Variants in SH3D19 observed in about 807,000 individuals in gnomAD.
SH3D19 encodes SH3 domain-containing protein 19.
SH3D19 carries 58 observed loss-of-function variants against 112.1 expected under a neutral mutation model. That is an observed-to-expected ratio of 0.52 (90% CI 0.42 to 0.64). The LOEUF (loss-of-function observed/expected upper bound fraction) is 0.64. Ranked by LOEUF, SH3D19 falls within the 30% of genes least tolerant of loss-of-function variation. The probability of loss-of-function intolerance (pLI) is 0.00; values close to 1 mark genes in which losing one functional copy is unlikely to be tolerated. For missense variants in SH3D19, 1,090 were observed against 1,263.4 expected (o/e 0.86, Z 2.08); for synonymous variants, 391 against 448.5 (o/e 0.87, Z 1.62).
chr4:151,273,589 C>CAAAAAAA (rs60600816), intron 1 of SH3D19, among the ~76,000 whole-genome samples: 1,100 of 64,500 alleles, frequency 0.017, 46 homozygotes, highest in African/African-American at 0.026. Flanking sequence ...GACTCCATCT[C>CAAAAAAA]AAAAAAAAAA....
Position 151,135,086 on chromosome 4 carries a change from G to A in SH3D19, c.2474C>T (p.Ser825Phe), listed in dbSNP as rs1302803895. ...GGNGKRECVS[S>F]HCVKGSRCVA... ...AAATAAAACTTACTTAACACAATGA[G>A]ATGAAACACATTCTCTTTTCCCATT... Residue 825 changes from serine to phenylalanine, a missense_variant, in exon 15 of 20, where the codon TCT (serine) becomes TTT (phenylalanine). By Grantham distance (155) the Ser-to-Phe change is radical (BLOSUM62 -2). Transcript: ENST00000604030. The A allele has an allele frequency of 6.2e-7, 1 of 1,603,144 alleles. No homozygotes were observed.
intron 2 of SH3D19, among the ~76,000 whole-genome samples, chr4:151,190,927 C>T (rs572805110): frequency 2.6e-5 from 4 of 152,314 alleles, no homozygotes; most frequent in South Asian, 4.1e-4. Flanking sequence ...AGACACTCAA[C>T]GCCAGCCGTG....
chr4:151,286,600 TAA>T (rs200710507), intron 1 of SH3D19, among the ~76,000 whole-genome samples: 34 of 132,794 alleles, frequency 2.6e-4, no homozygotes, highest in African/African-American at 7.7e-4. Flanking sequence ...CATTTGTGAT[TAA>T]AAAAAAAAAA....
At chr4:151,226,229 A>G in intron 1 of SH3D19, 143 bp from the exon 2 acceptor site, 11 of 1,225,306 alleles carry the variant, frequency 9.0e-6, no homozygotes, top group Non-Finnish European at 1.1e-5. Context: ...AAGGCTCTTC[A>G]TCACAGTTCG....
chr4:151,270,340 T>C (rs1274819861), intron 1 of SH3D19, among the ~76,000 whole-genome samples: 1 of 152,082 alleles, frequency 6.6e-6, no homozygotes, highest in Non-Finnish European at 1.5e-5. Flanking sequence ...GTGACTTCTG[T>C]TCATTAAGTG....
rs1161389970 is a variant in SH3D19, at chr4:151,149,515, G to A, written c.1802C>T (p.Pro601Leu). ...GQTGGFVRVP[P>L]RLPPRPVNGK... ...ATTTACTTACCTCGGTGGCAACCTT[G>A]GGGGTACTCGCACAAAACCTCCTGT... Residue 601 changes from proline (P) to leucine (L), a missense_variant, in exon 10 of 20, where the codon CCA (proline) becomes CTA (leucine). Transcript: ENST00000604030. The A allele has an allele frequency of 1.2e-6, 2 of 1,610,616 alleles. No homozygotes were observed. The highest frequency in any genetic ancestry group is 1.7e-5 in the Admixed American group (1 of 59,608).
At chr4:151,236,482 C>G (rs996846301) in intron 1 of SH3D19, among the ~76,000 whole-genome samples, 2 of 150,940 alleles carry the variant, frequency 1.3e-5, no homozygotes, top group African/African-American at 4.8e-5. Context: ...GAGAACTTTT[C>G]TGTCTAGCTA....
intron 6 of SH3D19, 47 bp from the exon 7 acceptor site, chr4:151,175,721 C>A: frequency 8.1e-7 from 1 of 1,237,192 alleles, no homozygotes; most frequent in Non-Finnish European, 1.0e-6. Context: ...CAAGCCATAA[C>A]GTTAACAATG....
At chr4:151,223,000 A>C (rs1188838219) in intron 2 of SH3D19, among the ~76,000 whole-genome samples, 3 of 115,740 alleles carry the variant, frequency 2.6e-5, no homozygotes, top group Non-Finnish European at 3.5e-5. Context: ...ATATTCTCCC[A>C]GCCTTTTTTT....
intron 1 of SH3D19, among the ~76,000 whole-genome samples, chr4:151,274,128 T>G (rs6851493): frequency 0.35 from 52,649 of 151,980 alleles, 10,290 homozygotes; most frequent in Non-Finnish European, 0.46. Flanking sequence ...ATAGTAGTAG[T>G]AGATTTTCAT....
intron 12 of SH3D19, 69 bp downstream of exon 12, chr4:151,143,841 A>G (rs1004431027): frequency 4.8e-5 from 71 of 1,487,680 alleles, no homozygotes; most frequent in Non-Finnish European, 6.2e-5. Context: ...AAGATGAGAT[A>G]TAATTAATAG....
At chr4:151,138,798 T>C (rs1752409034) in intron 13 of SH3D19, among the ~76,000 whole-genome samples, 1 of 151,974 alleles carries the variant, frequency 6.6e-6, no homozygotes, top group South Asian at 2.1e-4. Flanking sequence ...AGAACTTCAG[T>C]TATTAAGTTA....
chr4:151,251,462 A>T (rs1771392834), intron 1 of SH3D19, among the ~76,000 whole-genome samples: 1 of 152,104 alleles, frequency 6.6e-6, no homozygotes, highest in Admixed American at 6.5e-5. Context: ...GGACTCCCAA[A>T]GTGCTGGGAT....
intron 12 of SH3D19, chr4:151,140,132 A>C: frequency 3.0e-6 from 1 of 332,326 alleles, no homozygotes; most frequent in Non-Finnish European, 5.5e-6. Context: ...GGAACTGTTT[A>C]TTTATTTTGA....
At chr4:151,289,400 T>G (rs1775115003) in intron 1 of SH3D19, among the ~76,000 whole-genome samples, 2 of 152,184 alleles carry the variant, frequency 1.3e-5, no homozygotes, top group South Asian at 4.1e-4. Context: ...AATTCAGAAC[T>G]TTTATGCTTC....
At chr4:151,257,590 A>AATCATC (rs373590561) in intron 1 of SH3D19, among the ~76,000 whole-genome samples, 7 of 151,780 alleles carry the variant, frequency 4.6e-5, no homozygotes, top group African/African-American at 1.7e-4. Flanking sequence ...TTATGTTATT[A>AATCATC]ATCATCATCA....
chr4:151,197,217 T>A (rs1276157966), intron 2 of SH3D19, among the ~76,000 whole-genome samples: 1 of 150,470 alleles, frequency 6.6e-6, no homozygotes, highest in African/African-American at 2.4e-5. Context: ...AAAAAAAGAG[T>A]TAATCTTAAT....
rs753118926 is a variant in SH3D19 at position 151,174,667 on chromosome 4, C to T, written c.1534+3G>A. On this transcript the variant is annotated splice_donor_region_variant and intron_variant, in intron 7 of 19. Transcript: ENST00000604030. Reference sequence around the variant, plus strand: ...TCCCCTCCACTGCTGATTTTTCACTCACCTAGAACCATCTCTGAACCAACA... The same window carrying T: ...TCCCCTCCACTGCTGATTTTTCACTTACCTAGAACCATCTCTGAACCAACA... 3 of 1,508,452 alleles carry T rather than the reference C, an allele frequency of 2.0e-6. No individual in the cohort carries two copies. Among genetic ancestry groups the T allele is most frequent in the Admixed American group, 4.6e-5 (2 of 43,164 alleles). 93.4% of individuals were successfully genotyped at this position (1,508,452 alleles called of 1,614,324 possible). A position where few individuals can be genotyped will look rare whatever the true frequency, so the allele number is the denominator to read the frequency against.
At chr4:151,136,397 C>T in intron 14 of SH3D19, among the ~76,000 whole-genome samples, 1 of 152,222 alleles carries the variant, frequency 6.6e-6, no homozygotes, top group East Asian at 1.9e-4. Flanking sequence ...ATCCTACCTA[C>T]TGCCTCAGCC....
Sources: gnomAD v4.1 joint callset for allele counts (sites outside exome capture counted in the v4.1 genomes callset) on GRCh38, gnomAD v4.1.1 for gene constraint, MANE v1.5 for transcripts, NCBI Gene and HGNC (gene_info 2026-07-23, HGNC 2026-07-21) for gene names.